Variants in XRCC4 observed in about 807,000 individuals in gnomAD.
XRCC4 encodes the protein DNA repair protein XRCC4.
XRCC4 carries 28 observed loss-of-function variants against 39.1 expected under a neutral mutation model. The ratio of observed to expected loss-of-function variants is 0.72; its 90% CI spans 0.53 to 0.98. The LOEUF is 0.98. XRCC4 is among the 50% of genes least tolerant of loss of function. The probability of loss-of-function intolerance (pLI) is 0.00; values close to 1 mark genes in which losing one functional copy is unlikely to be tolerated. For missense variants in XRCC4, 350 were observed against 376.4 expected (o/e 0.93, Z 0.58); for synonymous variants, 123 against 126.4 (o/e 0.97, Z 0.18).
At chr5:83,240,650 C>T (rs573533706) in intron 6 of XRCC4, among the ~76,000 whole-genome samples, 1 of 152,280 alleles carries the variant, frequency 6.6e-6, no homozygotes, top group South Asian at 2.1e-4. Flanking sequence ...ACACTTGGAA[C>T]TCTGTATCCA....
chr5:83,138,372 G>T (rs1432551550), intron 3 of XRCC4, among the ~76,000 whole-genome samples: 1 of 151,976 alleles, frequency 6.6e-6, no homozygotes, highest in Admixed American at 6.6e-5. Context: ...ATTGGGAGTG[G>T]CTTGGGTCTT....
chr5:83,130,983 G>A (rs908524439), intron 3 of XRCC4, among the ~76,000 whole-genome samples: 16 of 152,008 alleles, frequency 1.1e-4, no homozygotes, highest in Non-Finnish European at 7.4e-5. Flanking sequence ...ATTCTGCTCT[G>A]ATCCTAGTTG....
intron 7 of XRCC4, among the ~76,000 whole-genome samples, chr5:83,267,205 A>G (rs1383885182): frequency 6.6e-6 from 1 of 152,142 alleles, no homozygotes; most frequent in Admixed American, 6.6e-5. Flanking sequence ...TTGGAGATGA[A>G]TGTTGTTTCT....
chr5:83,309,296 A>AAAAAAAAAAATATATATATAT (rs1561467702), intron 7 of XRCC4, among the ~76,000 whole-genome samples: 3 of 72,230 alleles, frequency 4.2e-5, no homozygotes, highest in African/African-American at 8.5e-5. Context: ...AAAAAAAAAA[A>AAAAAAAAAAATATATATATAT]ATATATATAT....
At chr5:83,084,751 TACTG>T (rs1260695954) in intron 1 of XRCC4, among the ~76,000 whole-genome samples, 2 of 152,176 alleles carry the variant, frequency 1.3e-5, no homozygotes, top group Non-Finnish European at 2.9e-5. Flanking sequence ...GCGTTTAAAA[TACTG>T]TTTGTTTAAT....
At chr5:83,196,165 G>A (rs1750937715) in intron 4 of XRCC4, among the ~76,000 whole-genome samples, 1 of 151,772 alleles carries the variant, frequency 6.6e-6, no homozygotes. Flanking sequence ...TAAACAATAA[G>A]GATTAATTGG....
intron 7 of XRCC4, among the ~76,000 whole-genome samples, chr5:83,289,572 T>C (rs1250047371): frequency 2.0e-5 from 3 of 151,880 alleles, no homozygotes; most frequent in Non-Finnish European, 2.9e-5. Context: ...TGCAGTCCAC[T>C]GTTATAATAC....
intron 6 of XRCC4, among the ~76,000 whole-genome samples, chr5:83,252,566 A>G (rs1753364299): frequency 6.6e-6 from 1 of 152,026 alleles, no homozygotes; most frequent in South Asian, 2.1e-4. Context: ...TAATGATGAT[A>G]TTGGATATTT....
intron 3 of XRCC4, among the ~76,000 whole-genome samples, chr5:83,148,354 A>G (rs1300931121): frequency 6.6e-6 from 1 of 152,182 alleles, no homozygotes. Flanking sequence ...ATACTTTAAC[A>G]TAGGGCCAAT....
At chr5:83,184,541 C>A (rs947112822) in intron 3 of XRCC4, among the ~76,000 whole-genome samples, 7 of 151,746 alleles carry the variant, frequency 4.6e-5, no homozygotes, top group African/African-American at 1.5e-4. Context: ...TTATGAGAGA[C>A]CTAATTGTTC....
intron 3 of XRCC4, among the ~76,000 whole-genome samples, chr5:83,162,952 C>CTTTCTTTT (rs1554060107): frequency 4.0e-5 from 5 of 125,182 alleles, no homozygotes; most frequent in African/African-American, 1.2e-4. Context: ...TTCTTTCTTT[C>CTTTCTTTT]TTTTTTTTTT....
intron 3 of XRCC4, among the ~76,000 whole-genome samples, chr5:83,189,579 A>G (rs1297160494): frequency 6.6e-6 from 1 of 152,180 alleles, no homozygotes; most frequent in Non-Finnish European, 1.5e-5. Flanking sequence ...GGGCAATAAT[A>G]TGTTGTAGTT....
At chr5:83,359,936 T>C in the XRCC4 span, among the ~76,000 whole-genome samples, 1 of 152,292 alleles carries the variant, frequency 6.6e-6, no homozygotes, top group Non-Finnish European at 1.5e-5. Context: ...TTATCTACAT[T>C]AGATGTATCT....
chr5:83,200,910 G>A (rs1324014494), intron 4 of XRCC4, among the ~76,000 whole-genome samples: 1 of 152,082 alleles, frequency 6.6e-6, no homozygotes, highest in Non-Finnish European at 1.5e-5. Flanking sequence ...AAATATAAAT[G>A]TAGTGACATG....
At chr5:83,195,654 TG>T in intron 3 of XRCC4, 115 bp from the exon 4 acceptor site, 1 of 994,814 alleles carries the variant, frequency 1.0e-6, no homozygotes, top group Non-Finnish European at 1.4e-6. Context: ...GTAAATGCAT[TG>T]TATTTAAATC....
At chr5:83,164,926 T>C (rs1359413425) in intron 3 of XRCC4, among the ~76,000 whole-genome samples, 1 of 152,092 alleles carries the variant, frequency 6.6e-6, no homozygotes, top group Admixed American at 6.5e-5. Context: ...GCTTTATGAA[T>C]GCTATATTTA....
At chr5:83,234,716 T>C (rs1752621929) in intron 6 of XRCC4, among the ~76,000 whole-genome samples, 1 of 152,144 alleles carries the variant, frequency 6.6e-6, no homozygotes. Flanking sequence ...TAATGTATGA[T>C]TTACCTTGTT....
chr5:83,123,161 G>C (rs1046696342), intron 3 of XRCC4, among the ~76,000 whole-genome samples: 1 of 151,942 alleles, frequency 6.6e-6, no homozygotes, highest in African/African-American at 2.4e-5. Context: ...TTCTATATTT[G>C]TCTTACTTCT....
At chr5:83,263,324 T>C (rs1422658211) in intron 7 of XRCC4, among the ~76,000 whole-genome samples, 2 of 151,908 alleles carry the variant, frequency 1.3e-5, no homozygotes, top group African/African-American at 4.8e-5. Flanking sequence ...TGTGTCTTTA[T>C]AGCAGCATGA....
Sources: allele counts gnomAD v4.1 joint callset (sites outside exome capture counted in the v4.1 genomes callset), GRCh38; gene constraint gnomAD v4.1.1; transcripts MANE v1.5; gene names NCBI Gene and HGNC (gene_info 2026-07-23, HGNC 2026-07-21).